OPCML: variants seen among roughly 807,000 people sequenced by gnomAD.
The protein encoded by OPCML is opioid binding protein/cell adhesion molecule like.
OPCML carries 13 observed loss-of-function variants against 37.8 expected under a neutral mutation model. The ratio of observed to expected loss-of-function variants is 0.34; its 90% CI spans 0.22 to 0.55. The LOEUF (loss-of-function observed/expected upper bound fraction) is 0.55. Among genes scored for constraint, OPCML ranks in the 20% least tolerant of loss-of-function variants. The pLI is 0.91. For synonymous variants in OPCML, 176 were observed against 168.8 expected, an observed-to-expected ratio of 1.04 and a Z score of -0.33; for missense variants, 341 against 435.6, an observed-to-expected ratio of 0.78 and a Z score of 1.93.
At chr11:133,418,815 C>T (rs1433547448) in intron 1 of OPCML, among the ~76,000 whole-genome samples, 1 of 152,126 alleles carries the variant, frequency 6.6e-6, no homozygotes, top group Non-Finnish European at 1.5e-5. Flanking sequence ...TTGTAACTTT[C>T]CCAATTACTT....
At chr11:132,944,340 C>G (rs918450646) in intron 1 of OPCML, among the ~76,000 whole-genome samples, 3 of 152,174 alleles carry the variant, frequency 2.0e-5, no homozygotes, top group Admixed American at 6.5e-5. Context: ...ACCCTGCCCA[C>G]GCCAGATGGG....
intron 2 of OPCML, among the ~76,000 whole-genome samples, chr11:132,941,476 T>C (rs1763455596): frequency 6.6e-6 from 1 of 152,216 alleles, no homozygotes; most frequent in South Asian, 2.1e-4. Context: ...TAACATGTAT[T>C]ATAACCCGTG....
chr11:133,236,318 A>C (rs1015376572), intron 1 of OPCML, among the ~76,000 whole-genome samples: 1 of 152,236 alleles, frequency 6.6e-6, no homozygotes, highest in Non-Finnish European at 1.5e-5. Flanking sequence ...ACAGGACGGC[A>C]CGAGGTCTCA....
chr11:132,450,256 T>G (rs1592193199), intron 4 of OPCML, among the ~76,000 whole-genome samples: 1 of 152,352 alleles, frequency 6.6e-6, no homozygotes, highest in Non-Finnish European at 1.5e-5. Context: ...GTTTTGTTTT[T>G]GTTGCCTTAG....
At chr11:133,358,804 G>A (rs1375369506) in intron 1 of OPCML, among the ~76,000 whole-genome samples, 4 of 152,090 alleles carry the variant, frequency 2.6e-5, no homozygotes, top group African/African-American at 4.8e-5. Flanking sequence ...CTGAATGGGG[G>A]GAAGGCGTGT....
chr11:132,663,727 GT>G (rs1565757400), intron 2 of OPCML, among the ~76,000 whole-genome samples: 3 of 152,340 alleles, frequency 2.0e-5, no homozygotes, highest in Non-Finnish European at 2.9e-5. Context: ...GGAGAACTTC[GT>G]TATCACAGGA....
Position 133,120,962 on chromosome 11 carries a change from G to T in OPCML, c.62-177952C>A, listed in dbSNP as rs143596266. Among the ~76,000 whole-genome samples the T allele has an allele frequency of 8.2e-4, 125 of 152,220 alleles. 1 individual carries two copies. The highest frequency in any genetic ancestry group is 4.5e-3 in the Admixed American group (69 of 15,286). ...TTTTTAGACGGAATCTTGCTCTGTC[G>T]CCCAGGCTGGGGTACAGTGGTGTGA... On this transcript the variant is annotated intron_variant, in intron 1 of 7. Transcript: ENST00000524381.
intron 2 of OPCML, among the ~76,000 whole-genome samples, chr11:132,831,826 T>C (rs1940708803): frequency 6.6e-6 from 1 of 152,144 alleles, no homozygotes; most frequent in African/African-American, 2.4e-5. Context: ...GAGATCTTTA[T>C]TGTCATTCAA....
intron 1 of OPCML, among the ~76,000 whole-genome samples, chr11:133,113,847 C>T (rs1225577328): frequency 2.0e-5 from 3 of 152,218 alleles, no homozygotes; most frequent in African/African-American, 7.2e-5. Context: ...GCTTCAGGCA[C>T]ATATTGAATT....
chr11:133,140,873 A>ACGACGAAGGAGAAGGAGAAGGAGAAGG (rs1565468279), intron 1 of OPCML, among the ~76,000 whole-genome samples: 5 of 50,036 alleles, frequency 1.0e-4, no homozygotes, highest in South Asian at 8.2e-4. Context: ...GACGACGACG[A>ACGACGAAGGAGAAGGAGAAGGAGAAGG]AGAAGACGAC....
intron 7 of OPCML, among the ~76,000 whole-genome samples, chr11:132,434,135 G>T (rs2096005989): frequency 6.6e-6 from 1 of 152,140 alleles, no homozygotes; most frequent in Admixed American, 6.5e-5. Flanking sequence ...GGTTGTGGCA[G>T]GGAAGTGACT....
intron 1 of OPCML, among the ~76,000 whole-genome samples, chr11:133,146,597 G>A (rs1949901049): frequency 2.0e-5 from 3 of 151,606 alleles, no homozygotes; most frequent in Non-Finnish European, 2.9e-5. Flanking sequence ...ACAGGCATGA[G>A]CCAACGTGCC....
intron 4 of OPCML, among the ~76,000 whole-genome samples, chr11:132,486,301 T>A (rs528467915): frequency 7.2e-5 from 11 of 152,314 alleles, no homozygotes; most frequent in Non-Finnish European, 1.3e-4. Context: ...TTAGGGTTAG[T>A]CATTTGTGAG....
chr11:132,785,923 A>T (rs1448440624), intron 2 of OPCML, among the ~76,000 whole-genome samples: 1 of 152,194 alleles, frequency 6.6e-6, no homozygotes, highest in African/African-American at 2.4e-5. Context: ...TTATCCAAGG[A>T]GTTTGGAGAA....
chr11:133,264,862 G>A (rs946193842), intron 1 of OPCML, among the ~76,000 whole-genome samples: 13 of 152,096 alleles, frequency 8.5e-5, no homozygotes, highest in South Asian at 4.1e-4. Flanking sequence ...AAGTACTTTC[G>A]GAGGGAGGGT....
At chr11:132,775,280 T>C (rs1009367811) in intron 2 of OPCML, among the ~76,000 whole-genome samples, 9 of 152,242 alleles carry the variant, frequency 5.9e-5, no homozygotes, top group African/African-American at 1.9e-4. Flanking sequence ...CTTTGCTTGA[T>C]GACACTGAAG....
intron 1 of OPCML, among the ~76,000 whole-genome samples, chr11:133,052,336 T>A (rs1315084647): frequency 2.0e-5 from 3 of 152,296 alleles, no homozygotes; most frequent in East Asian, 3.9e-4. Flanking sequence ...CACTCCATTA[T>A]TCAATAAACA....
intron 2 of OPCML, among the ~76,000 whole-genome samples, chr11:132,771,131 C>T (rs1427947722): frequency 6.6e-6 from 1 of 152,184 alleles, no homozygotes; most frequent in Admixed American, 6.5e-5. Context: ...TAACCTTCAT[C>T]CACTGAGCCC....
intron 4 of OPCML, among the ~76,000 whole-genome samples, chr11:132,481,107 A>T (rs961282517): frequency 2.0e-5 from 3 of 152,344 alleles, no homozygotes; most frequent in Admixed American, 1.3e-4. Context: ...TAAATGCTCC[A>T]ATTAAAAGAC....
Sources: gnomAD v4.1 joint callset for allele counts (sites outside exome capture counted in the v4.1 genomes callset) on GRCh38, gnomAD v4.1.1 for gene constraint, MANE v1.5 for transcripts, NCBI Gene and HGNC (gene_info 2026-07-23, HGNC 2026-07-21) for gene names.